The following ZFYVE9 variants were observed in gnomAD, a reference collection of about 807,000 sequenced individuals.
The protein encoded by ZFYVE9 is zinc finger FYVE-type containing 9.
In ZFYVE9, 43 loss-of-function variants were observed where a neutral mutation model predicts 126.7. The ratio of observed to expected loss-of-function variants is 0.34; its 90% CI spans 0.27 to 0.44. The LOEUF (loss-of-function observed/expected upper bound fraction) is 0.44. Ranked by LOEUF, ZFYVE9 falls within the 20% of genes least tolerant of loss-of-function variation. The pLI, the probability that ZFYVE9 is intolerant of heterozygous loss-of-function variation, is 1.00. For synonymous variants in ZFYVE9, 521 were observed against 597.4 expected (o/e 0.87, Z 1.87); for missense variants, 1,476 against 1,697.0 (o/e 0.87, Z 2.29).
chr1:52,280,795 A>G (rs2147816037), intron 9 of ZFYVE9, among the ~76,000 whole-genome samples: 1 of 152,346 alleles, frequency 6.6e-6, no homozygotes, highest in African/African-American at 2.4e-5. Flanking sequence ...GACTATAGTT[A>G]AAATAGCTGG....
At chr1:52,232,835 C>G (rs1645236707) in intron 2 of ZFYVE9, among the ~76,000 whole-genome samples, 1 of 151,432 alleles carries the variant, frequency 6.6e-6, no homozygotes, top group Non-Finnish European at 1.5e-5. Context: ...CTGTCATTTC[C>G]CATTTGAAAA....
chr1:52,307,469 G>A (rs935360317), intron 13 of ZFYVE9, among the ~76,000 whole-genome samples: 1 of 152,076 alleles, frequency 6.6e-6, no homozygotes, highest in African/African-American at 2.4e-5. Flanking sequence ...ACTCCTAACT[G>A]CAGGTCTTCT....
intron 1 of ZFYVE9, among the ~76,000 whole-genome samples, chr1:52,146,145 G>A (rs1312133594): frequency 6.6e-6 from 1 of 151,936 alleles, no homozygotes; most frequent in African/African-American, 2.4e-5. Flanking sequence ...AATTGTATTT[G>A]GCATTGTAAG....
At chr1:52,228,776 A>G (rs1645192293) in intron 2 of ZFYVE9, among the ~76,000 whole-genome samples, 2 of 152,178 alleles carry the variant, frequency 1.3e-5, no homozygotes, top group African/African-American at 4.8e-5. Flanking sequence ...TGTTCTCAAA[A>G]TGTTAATTTA....
At chr1:52,334,606 C>A in intron 14 of ZFYVE9, 82 bp from the exon 15 acceptor site, 1 of 1,435,222 alleles carries the variant, frequency 7.0e-7, no homozygotes, top group Non-Finnish European at 9.7e-7. Flanking sequence ...TCGGAATTCT[C>A]AACTTCTGAA....
intron 1 of ZFYVE9, among the ~76,000 whole-genome samples, chr1:52,181,846 GCA>G: frequency 6.8e-6 from 1 of 147,724 alleles, no homozygotes; most frequent in Middle Eastern, 3.8e-3. Flanking sequence ...CCTCCGCCCT[GCA>G]GCCGCCCCGT....
At chr1:52,160,435 A>C (rs1644446301) in intron 1 of ZFYVE9, 1 of 936,394 alleles carries the variant, frequency 1.1e-6, no homozygotes, top group African/African-American at 1.6e-5. Context: ...CTCCAAAGGC[A>C]GTGCCTTTCT....
intron 12 of ZFYVE9, among the ~76,000 whole-genome samples, chr1:52,303,435 C>T (rs1433294712): frequency 6.6e-6 from 1 of 152,040 alleles, no homozygotes; most frequent in East Asian, 1.9e-4. Flanking sequence ...TCATTGAGTG[C>T]CTAAGATGTT....
intron 9 of ZFYVE9, among the ~76,000 whole-genome samples, chr1:52,279,251 A>T (rs1244242194): frequency 6.6e-6 from 1 of 152,192 alleles, no homozygotes; most frequent in Non-Finnish European, 1.5e-5. Flanking sequence ...ACTTACCACC[A>T]GAATAACTGG....
chr1:52,206,611 T>TCTCGG, intron 1 of ZFYVE9, among the ~76,000 whole-genome samples: 1 of 152,282 alleles, frequency 6.6e-6, no homozygotes, highest in Admixed American at 6.5e-5. Context: ...AGTGGCATGA[T>TCTCGG]CTCGGCTCGG....
chr1:52,276,626 TTCC>T (rs1487115451), intron 8 of ZFYVE9, among the ~76,000 whole-genome samples: 1 of 152,226 alleles, frequency 6.6e-6, no homozygotes, highest in African/African-American at 2.4e-5. Flanking sequence ...TTTCCATTTC[TTCC>T]TTTCTTCTGC....
intron 13 of ZFYVE9, among the ~76,000 whole-genome samples, chr1:52,319,373 C>T (rs1324679454): frequency 6.6e-6 from 1 of 152,074 alleles, no homozygotes; most frequent in Non-Finnish European, 1.5e-5. Flanking sequence ...ACCTGTAATC[C>T]TAACACTTTG....
At chr1:52,154,962 G>T (rs1343915520) in intron 1 of ZFYVE9, among the ~76,000 whole-genome samples, 1 of 152,218 alleles carries the variant, frequency 6.6e-6, no homozygotes, top group African/African-American at 2.4e-5. Context: ...GTGAGCTGAG[G>T]AAATGGTGCT....
chr1:52,297,582 G>A (rs2147835178), intron 12 of ZFYVE9, among the ~76,000 whole-genome samples: 2 of 152,142 alleles, frequency 1.3e-5, no homozygotes, highest in South Asian at 4.1e-4. Context: ...TAATTCCAGA[G>A]CACTGAAATG....
chr1:52,219,749 TTGTGTGTG>T (rs56340178), intron 2 of ZFYVE9, among the ~76,000 whole-genome samples: 8,115 of 113,278 alleles, frequency 0.072, 399 homozygotes, highest in African/African-American at 0.16. Context: ...CCAAGATCTT[TTGTGTGTG>T]TGTGTGTGTG....
At chr1:52,157,805 T>C (rs1644417622) in intron 1 of ZFYVE9, among the ~76,000 whole-genome samples, 1 of 152,172 alleles carries the variant, frequency 6.6e-6, no homozygotes, top group South Asian at 2.1e-4. Context: ...CACTAGCTTC[T>C]GGTGTTTAAG....
chr1:52,272,765 G>T (rs1338286697), intron 7 of ZFYVE9, among the ~76,000 whole-genome samples: 1 of 149,358 alleles, frequency 6.7e-6, no homozygotes, highest in Non-Finnish European at 1.5e-5. Flanking sequence ...CACCTTCCAG[G>T]TTCAAGCAAT....
At chr1:52,241,926 C>G (rs572235575) in intron 4 of ZFYVE9, among the ~76,000 whole-genome samples, 2 of 151,976 alleles carry the variant, frequency 1.3e-5, no homozygotes, top group East Asian at 3.9e-4. Context: ...AGCTATATTC[C>G]CTTTACTGCA....
chr1:52,238,562 G>A lies in ZFYVE9; in HGVS notation c.1145G>A (p.Gly382Asp), dbSNP rs561311334. Residue 382 changes from glycine (G) to aspartate (D), a missense_variant, in exon 4 of 19, where the codon GGC becomes GAC. Gly to Asp is a moderately conservative substitution (Grantham distance 94). Coordinates refer to ENST00000287727, the MANE Select transcript of ZFYVE9 (RefSeq NM_004799.4). ...GGTTATGAACATGAAGAAACTCTTGGCACTACAGAATTCCTTAATATGACA... is the reference window on the plus strand; with the variant it reads ...GGTTATGAACATGAAGAAACTCTTGACACTACAGAATTCCTTAATATGACA... ...NEGYEHEETL[G>D]TTEFLNMTEH... 3 of 1,614,034 alleles carry A rather than the reference G, an allele frequency of 1.9e-6. No homozygotes were observed. The highest frequency in any genetic ancestry group is 2.2e-5 in the South Asian group (2 of 91,088).
Sources: gnomAD v4.1 joint callset for allele counts (sites outside exome capture counted in the v4.1 genomes callset) on GRCh38, gnomAD v4.1.1 for gene constraint, MANE v1.5 for transcripts, NCBI Gene and HGNC (gene_info 2026-07-23, HGNC 2026-07-21) for gene names.